The following MAST4 variants were observed in gnomAD, a reference collection of about 807,000 sequenced individuals.
MAST4 encodes the protein microtubule-associated serine/threonine-protein kinase 4.
Under a neutral mutation model 162.7 loss-of-function variants are expected in MAST4, and 89 were observed. That is an observed-to-expected ratio of 0.55 (90% CI 0.46 to 0.65). The LOEUF is 0.65. Ranked by LOEUF, MAST4 falls within the 30% of genes least tolerant of loss-of-function variation. MAST4 has a pLI of 0.00. For missense variants in MAST4, 3,153 were observed against 3,374.0 expected (o/e 0.93, Z 1.62); for synonymous variants, 1,479 against 1,361.1 (o/e 1.09, Z -1.91).
At chr5:66,894,119 G>A (rs1762532205) in intron 3 of MAST4, among the ~76,000 whole-genome samples, 1 of 152,150 alleles carries the variant, frequency 6.6e-6, no homozygotes, top group Non-Finnish European at 1.5e-5. Context: ...CTTTACCTCT[G>A]TAATGACAGC....
intron 1 of MAST4, among the ~76,000 whole-genome samples, chr5:66,733,036 A>G (rs1751949285): frequency 1.3e-5 from 2 of 152,002 alleles, no homozygotes; most frequent in African/African-American, 4.8e-5. Flanking sequence ...TTTGTTTTTT[A>G]TGCTTCAACC....
intron 4 of MAST4, among the ~76,000 whole-genome samples, chr5:67,028,189 T>G (rs1754898153): frequency 8.2e-6 from 1 of 121,652 alleles, no homozygotes; most frequent in Non-Finnish European, 1.9e-5. Flanking sequence ...AAAAGTGGGC[T>G]GTGAAAGAAG....
At chr5:67,114,354 T>C in intron 12 of MAST4, 135 bp downstream of exon 12, 1 of 1,102,838 alleles carries the variant, frequency 9.1e-7, no homozygotes, top group Non-Finnish European at 1.3e-6. Context: ...TGGGGACTGG[T>C]TGCTATTTGA....
intron 5 of MAST4, among the ~76,000 whole-genome samples, chr5:67,063,258 C>G (rs1759845852): frequency 6.6e-6 from 1 of 151,876 alleles, no homozygotes; most frequent in Admixed American, 6.6e-5. Context: ...ATGATAAAAT[C>G]AGATGGACTG....
In MAST4 at chr5:67,049,695, AT is replaced by A. The variant is rs1232757626; in HGVS notation, c.675-4703del. On this transcript the variant is annotated intron_variant, in intron 4 of 28. Coordinates refer to ENST00000403625, the MANE Select transcript of MAST4 (RefSeq NM_001164664.2). ...CTGCCCCTCAATGGTGGTTAGTCTT[AT>A]TTTTTACTGAATGTTGACCTTTCAA... Among the ~76,000 whole-genome samples the A allele has an allele frequency of 2.6e-5, 4 of 152,220 alleles. No homozygotes were observed. In the East Asian group the frequency reaches 7.7e-4, roughly 29 times the overall value.
intron 3 of MAST4, among the ~76,000 whole-genome samples, chr5:66,841,895 T>G (rs1337752205): frequency 6.6e-6 from 1 of 152,180 alleles, no homozygotes; most frequent in Non-Finnish European, 1.5e-5. Flanking sequence ...CCATGCCTAG[T>G]TTTTGAGTTT....
At chr5:66,837,226 T>C (rs1311301444) in intron 3 of MAST4, among the ~76,000 whole-genome samples, 1 of 152,182 alleles carries the variant, frequency 6.6e-6, no homozygotes, top group African/African-American at 2.4e-5. Flanking sequence ...AAATGAGGTA[T>C]GGAAAGCTTA....
intron 3 of MAST4, among the ~76,000 whole-genome samples, chr5:66,795,794 G>A (rs1035151106): frequency 1.3e-5 from 2 of 152,172 alleles, no homozygotes; most frequent in African/African-American, 2.4e-5. Context: ...GAACTGCTGA[G>A]TGTGATTACA....
intron 4 of MAST4, among the ~76,000 whole-genome samples, chr5:66,914,150 GCCT>G (rs1219238208): frequency 6.6e-6 from 1 of 151,808 alleles, no homozygotes; most frequent in Non-Finnish European, 1.5e-5. Context: ...AAAAAAAAAA[GCCT>G]GTTGATATTT....
chr5:66,697,240 A>G (rs1409810076), intron 1 of MAST4, among the ~76,000 whole-genome samples: 1 of 152,222 alleles, frequency 6.6e-6, no homozygotes, highest in African/African-American at 2.4e-5. Context: ...CCCAATATTT[A>G]AAGACTTTTT....
At chr5:66,822,385 C>A (rs760620497) in intron 3 of MAST4, among the ~76,000 whole-genome samples, 4 of 152,132 alleles carry the variant, frequency 2.6e-5, no homozygotes, top group Non-Finnish European at 5.9e-5. Flanking sequence ...CTGCCAGAAC[C>A]CCCGCAAGTT....
At chr5:67,156,804 G>A (rs1438989308) in intron 26 of MAST4, among the ~76,000 whole-genome samples, 1 of 152,228 alleles carries the variant, frequency 6.6e-6, no homozygotes, top group Non-Finnish European at 1.5e-5. Context: ...GCTTTCCAGA[G>A]AAGGAAATGC....
At chr5:67,078,772 ATATT>A (rs1447209511) in intron 5 of MAST4, among the ~76,000 whole-genome samples, 135 of 128,172 alleles carry the variant, frequency 1.1e-3, no homozygotes, top group Admixed American at 1.4e-3. Context: ...CTAAATATAT[ATATT>A]TATTTATATT....
intron 3 of MAST4, among the ~76,000 whole-genome samples, chr5:66,850,110 A>G (rs1055180839): frequency 3.9e-5 from 6 of 152,108 alleles, no homozygotes; most frequent in Non-Finnish European, 7.4e-5. Flanking sequence ...TGCCTCTGTA[A>G]CTCCTCCAGA....
chr5:67,032,283 T>C (rs1404390111), intron 4 of MAST4, among the ~76,000 whole-genome samples: 1 of 152,210 alleles, frequency 6.6e-6, no homozygotes, highest in Non-Finnish European at 1.5e-5. Context: ...AAATGGAAAC[T>C]TCCACTAATT....
rs562207724 is a variant in MAST4 at position 66,788,803 on chromosome 5, C to G, written c.642+9C>G. On this transcript the variant is annotated intron_variant, in intron 3 of 28. Transcript: ENST00000403625. Reference sequence around the variant, plus strand: ...CGCTCACCGCCAGCCTGGTGAGTGTCCGCGGGCGCCGGTGGAGGCTGCTCC... The same window carrying G: ...CGCTCACCGCCAGCCTGGTGAGTGTGCGCGGGCGCCGGTGGAGGCTGCTCC... 5 of 1,551,966 alleles carry G rather than the reference C, an allele frequency of 3.2e-6. No homozygotes were observed. Among genetic ancestry groups the G allele is most frequent in the Non-Finnish European group, 4.3e-6 (5 of 1,152,234 alleles).
At chr5:66,883,422 GTTTTTTTTTTTTTTT>G (rs36071165) in intron 3 of MAST4, among the ~76,000 whole-genome samples, 1 of 97,254 alleles carries the variant, frequency 1.0e-5, no homozygotes, top group African/African-American at 4.0e-5. Flanking sequence ...TTCTGTCACT[GTTTTTTTTTTTTTTT>G]TTTTTTTTTT....
At chr5:66,878,617 G>A (rs2149896639) in intron 3 of MAST4, among the ~76,000 whole-genome samples, 1 of 152,326 alleles carries the variant, frequency 6.6e-6, no homozygotes, top group Non-Finnish European at 1.5e-5. Context: ...GGCAATGCAA[G>A]ATTTCTCAGG....
At chr5:66,991,996 A>G (rs1750113517) in intron 4 of MAST4, among the ~76,000 whole-genome samples, 1 of 152,236 alleles carries the variant, frequency 6.6e-6, no homozygotes, top group Non-Finnish European at 1.5e-5. Context: ...GGAGCAAGTT[A>G]CTAAAGACTT....
Sources: gnomAD v4.1 joint callset for allele counts (sites outside exome capture counted in the v4.1 genomes callset) on GRCh38, gnomAD v4.1.1 for gene constraint, MANE v1.5 for transcripts, NCBI Gene and HGNC (gene_info 2026-07-23, HGNC 2026-07-21) for gene names.